ZCCHC2: variants seen among roughly 807,000 people sequenced by gnomAD.
ZCCHC2 encodes zinc finger CCHC-type containing 2, also known as zinc finger CCHC domain-containing protein 2.
ZCCHC2 carries 39 observed loss-of-function variants against 103.6 expected under a neutral mutation model. That is an observed-to-expected ratio of 0.38 (90% CI 0.29 to 0.49). ZCCHC2 has a LOEUF of 0.49. Ranked by LOEUF, ZCCHC2 falls within the 20% of genes least tolerant of loss-of-function variation. The pLI is 0.96. For synonymous variants in ZCCHC2, 687 were observed against 608.9 expected, an observed-to-expected ratio of 1.13 and a Z score of -1.89; for missense variants, 1,483 against 1,491.0, an observed-to-expected ratio of 0.99 and a Z score of 0.09.
At chr18:62,582,143 G>A (rs964408949), downstream of ZCCHC2, among the ~76,000 whole-genome samples, 4 of 152,208 alleles carry the variant, frequency 2.6e-5, no homozygotes, top group Non-Finnish European at 5.9e-5. Context: ...AAAATGGGAA[G>A]TTTCCAAGTT....
intron 4 of ZCCHC2, among the ~76,000 whole-genome samples, chr18:62,549,039 GA>G (rs1915542670): frequency 1.3e-5 from 2 of 150,904 alleles, no homozygotes; most frequent in South Asian, 2.1e-4. Context: ...CTAACACGGT[GA>G]AACCCTGTCT....
chr18:62,533,996 G>A (rs1326652084), intron 1 of ZCCHC2, among the ~76,000 whole-genome samples: 1 of 151,896 alleles, frequency 6.6e-6, no homozygotes. Context: ...CAGTTATTTT[G>A]GAAATAAGAG....
chr18:62,574,104 T>A lies in ZCCHC2; in HGVS notation c.2023T>A (p.Phe675Ile). ...EDSGNPSTTR[F>I]TGYGSVNQTV... Reference sequence around the variant, plus strand: ...TTCTGGGAATCCATCAACAACTAGGTTTACAGGTTACGGTTCTGTCAACCA... The same window carrying A: ...TTCTGGGAATCCATCAACAACTAGGATTACAGGTTACGGTTCTGTCAACCA... The change falls in exon 13 of 14, where the codon TTT (phenylalanine) becomes ATT (isoleucine). Residue 675 changes from phenylalanine (F) to isoleucine (I), a missense_variant. By Grantham distance (21) the Phe-to-Ile change is conservative (BLOSUM62 0). Coordinates refer to ENST00000269499, the MANE Select transcript of ZCCHC2 (RefSeq NM_017742.6). The A allele has an allele frequency of 1.2e-6, 2 of 1,613,980 alleles. No individual in the cohort carries two copies. Among genetic ancestry groups the A allele is most frequent in the South Asian group, 2.2e-5 (2 of 91,076 alleles).
chr18:62,565,119 A>G (rs1459252865), intron 11 of ZCCHC2, 23 bp downstream of exon 11: 1 of 1,524,172 alleles, frequency 6.6e-7, no homozygotes, highest in Non-Finnish European at 9.1e-7. Flanking sequence ...TTTTTCTTTC[A>G]AATACCCATC....
intron 7 of ZCCHC2, 94 bp from the exon 8 acceptor site, chr18:62,560,493 C>A: frequency 2.1e-6 from 2 of 960,582 alleles, no homozygotes; most frequent in Non-Finnish European, 3.2e-6. Context: ...TACCATCTGT[C>A]ACCAGTGGTT....
chr18:62,561,170 GTATTTCC>G (rs1368216421), intron 8 of ZCCHC2, among the ~76,000 whole-genome samples: 1 of 152,130 alleles, frequency 6.6e-6, no homozygotes. Context: ...GAACACTTGA[GTATTTCC>G]TATAGTCACA....
chr18:62,531,890 G>C (rs1457992984), intron 1 of ZCCHC2, among the ~76,000 whole-genome samples: 1 of 152,166 alleles, frequency 6.6e-6, no homozygotes, highest in Non-Finnish European at 1.5e-5. Flanking sequence ...AGGCTGAGGT[G>C]GGAGGATCAC....
intron 5 of ZCCHC2, among the ~76,000 whole-genome samples, chr18:62,553,043 G>A (rs948020388): frequency 6.6e-6 from 1 of 152,048 alleles, no homozygotes; most frequent in Non-Finnish European, 1.5e-5. Context: ...TAATTTTGAA[G>A]AATGCAGAGG....
At chr18:62,530,684 A>G (rs985955975) in intron 1 of ZCCHC2, among the ~76,000 whole-genome samples, 4 of 152,336 alleles carry the variant, frequency 2.6e-5, no homozygotes, top group African/African-American at 7.2e-5. Context: ...ACTTACTTGT[A>G]AAGATGCAGT....
chr18:62,582,539 C>T (rs572278356), downstream of ZCCHC2, among the ~76,000 whole-genome samples: 78 of 152,192 alleles, frequency 5.1e-4, no homozygotes, highest in African/African-American at 1.6e-3. Context: ...CTTAGCCGGG[C>T]ATGGTGGTGT....
intron 1 of ZCCHC2, among the ~76,000 whole-genome samples, chr18:62,538,983 C>T (rs895760685): frequency 9.7e-6 from 1 of 103,450 alleles, no homozygotes; most frequent in Non-Finnish European, 2.3e-5. Context: ...TGTCATAAGG[C>T]TATTTATTTA....
intron 14 of ZCCHC2, among the ~76,000 whole-genome samples, chr18:62,583,677 C>T (rs1201283757): frequency 1.3e-5 from 2 of 151,142 alleles, no homozygotes; most frequent in African/African-American, 4.9e-5. Flanking sequence ...ACCCCCCCCT[C>T]CACCCAACCC....
chr18:62,550,325 A>C lies in ZCCHC2; in HGVS notation c.1201-23A>C, dbSNP rs760494500. The stretch of plus-strand genomic sequence containing the variant: ...CAGTAAGTGAGAAACTTAACATTGG[A>C]TATTGTGGTTTTTCTTTTCTAGCTT... On this transcript the variant is annotated intron_variant, in intron 4 of 13. Coordinates refer to ENST00000269499, the MANE Select transcript of ZCCHC2 (RefSeq NM_017742.6). 1.1e-4 allele frequency: 169 copies of C among 1,538,802 alleles called. 1 individual carries two copies. In the South Asian group the frequency reaches 1.5e-3, roughly 13 times the overall value.
chr18:62,552,143 A>G (rs764221596), intron 5 of ZCCHC2: 2 of 152,192 alleles, frequency 1.3e-5, no homozygotes, highest in Non-Finnish European at 2.9e-5. Context: ...GCCTTTCCCT[A>G]AAGACACGGC....
At chr18:62,580,169 G>A (rs1235023001), downstream of ZCCHC2, among the ~76,000 whole-genome samples, 1 of 152,220 alleles carries the variant, frequency 6.6e-6, no homozygotes, top group East Asian at 1.9e-4. Context: ...TGATTTTATG[G>A]TCTTGATGTT....
At position 62,578,195 on chromosome 18, in the gene ZCCHC2, G is replaced by A. The variant is rs894073194; in HGVS notation, c.*1616G>A. Reference sequence around the variant, plus strand: ...GGGAAGGGGTGGGTGTGAAGGGGTAGATGAAAGCTTTAATTTAGAAAGAAA... The same window carrying A: ...GGGAAGGGGTGGGTGTGAAGGGGTAAATGAAAGCTTTAATTTAGAAAGAAA... On this transcript the variant is annotated 3_prime_UTR_variant, in exon 14 of 14. Transcript: ENST00000269499. 2 of 152,526 alleles carry A rather than the reference G, an allele frequency of 1.3e-5. No homozygotes were observed. Among genetic ancestry groups the A allele is most frequent in the Non-Finnish European group, 2.9e-5 (2 of 68,038 alleles). 9.4% of individuals were successfully genotyped at this position (152,526 alleles called of 1,614,324 possible).
At chr18:62,525,661 G>C (rs907467839) in intron 1 of ZCCHC2, among the ~76,000 whole-genome samples, 4 of 152,018 alleles carry the variant, frequency 2.6e-5, no homozygotes, top group Admixed American at 6.5e-5. Context: ...TTTTTAAAAC[G>C]ACGCTTCTGT....
In ZCCHC2 at chr18:62,523,420, C is replaced by A; in HGVS notation, c.-5C>A. 1 of 1,075,822 alleles carries A rather than the reference C, an allele frequency of 9.3e-7. No homozygotes were observed. 66.6% of individuals were successfully genotyped at this position (1,075,822 alleles called of 1,614,324 possible). On this transcript the variant is annotated 5_prime_UTR_variant, in exon 1 of 14. Coordinates refer to ENST00000269499, the MANE Select transcript of ZCCHC2 (RefSeq NM_017742.6). Reference sequence around the variant, plus strand: ...GCTCGCATGTCTGCGCCGCCCTAGCCGAGGATGCTGAGGATGAAGCTGCCG... The same window carrying A: ...GCTCGCATGTCTGCGCCGCCCTAGCAGAGGATGCTGAGGATGAAGCTGCCG...
At position 62,556,306 on chromosome 18, in the gene ZCCHC2, C is replaced by T. The variant is rs761321542; in HGVS notation, c.1408+9C>T. ...CTCCCTACACAGTATCAGTAAGCAT[C>T]CTCTGTCCCTCTGTGGAAATCTTTT... On this transcript the variant is annotated intron_variant, in intron 6 of 13. Transcript: ENST00000269499. 1.7e-5 allele frequency: 26 copies of T among 1,554,438 alleles called. No homozygotes were observed. The South Asian group carries it at 2.8e-4, about 17-fold the overall frequency.
Sources: gnomAD v4.1 joint callset for allele counts (sites outside exome capture counted in the v4.1 genomes callset) on GRCh38, gnomAD v4.1.1 for gene constraint, MANE v1.5 for transcripts, NCBI Gene and HGNC (gene_info 2026-07-23, HGNC 2026-07-21) for gene names.